The following CDKAL1 variants were observed in gnomAD, a reference collection of about 807,000 sequenced individuals.
CDKAL1 encodes threonylcarbamoyladenosine tRNA methylthiotransferase.
In CDKAL1, 32 loss-of-function variants were observed where a neutral mutation model predicts 68.2. The ratio of observed to expected loss-of-function variants is 0.47; its 90% confidence interval spans 0.35 to 0.63. The LOEUF (loss-of-function observed/expected upper bound fraction) is 0.63. Among genes scored for constraint, CDKAL1 ranks in the 30% least tolerant of loss-of-function variants. The pLI is 0.00. For synonymous variants in CDKAL1, 234 were observed against 244.3 expected (o/e 0.96, Z 0.39); for missense variants, 606 against 696.7 (o/e 0.87, Z 1.47).
chr6:20,939,912 CTT>C (rs1464879612), intron 9 of CDKAL1, among the ~76,000 whole-genome samples: 1 of 152,102 alleles, frequency 6.6e-6, no homozygotes, highest in African/African-American at 2.4e-5. Context: ...TCATTTATAA[CTT>C]ATAAATAATG....
intron 13 of CDKAL1, among the ~76,000 whole-genome samples, chr6:21,161,574 T>C (rs1776927111): frequency 6.6e-6 from 1 of 152,206 alleles, no homozygotes; most frequent in African/African-American, 2.4e-5. Context: ...AGAGAATGTA[T>C]CCACTTAATA....
At chr6:21,055,680 G>A (rs949328787) in intron 11 of CDKAL1, among the ~76,000 whole-genome samples, 1 of 152,160 alleles carries the variant, frequency 6.6e-6, no homozygotes, top group Non-Finnish European at 1.5e-5. Flanking sequence ...CAATATCCAT[G>A]TCCCTGCAAA....
chr6:20,786,607 C>A (rs978196822), intron 8 of CDKAL1, among the ~76,000 whole-genome samples: 1 of 150,162 alleles, frequency 6.7e-6, no homozygotes, highest in East Asian at 2.0e-4. Context: ...AAGCGATTCT[C>A]CTGCCTCAGC....
chr6:21,018,319 A>T (rs1238870403), intron 11 of CDKAL1, among the ~76,000 whole-genome samples: 2 of 152,250 alleles, frequency 1.3e-5, no homozygotes, highest in African/African-American at 4.8e-5. Flanking sequence ...AAATGTATGC[A>T]GTCAGGCTTT....
intron 13 of CDKAL1, among the ~76,000 whole-genome samples, chr6:21,166,822 C>T (rs765950014): frequency 6.6e-6 from 1 of 152,214 alleles, no homozygotes; most frequent in Non-Finnish European, 1.5e-5. Flanking sequence ...TTGTACCCCA[C>T]TCTGACTGTC....
Position 21,232,033 on chromosome 6 carries a change from G to A in CDKAL1, c.*994G>A, listed in dbSNP as rs574073083. ...TGTTTTTTTTTTTTTTTGAGTCAAG[G>A]TCTCACTCTGTCACCCTGGCTGGAG... On this transcript the variant is annotated 3_prime_UTR_variant, in exon 16 of 16. Transcript: ENST00000274695. The A allele has an allele frequency of 4.7e-5, 6 of 128,586 alleles. No homozygotes were observed. The East Asian group carries it at 8.0e-4, about 17-fold the overall frequency. 8.0% of individuals were successfully genotyped at this position (128,586 alleles called of 1,614,324 possible). A position where few individuals can be genotyped will look rare whatever the true frequency, so the allele number is the denominator to read the frequency against.
At position 20,613,249 on chromosome 6, in the gene CDKAL1, C is replaced by CTTTTTTTT. The variant is rs71559677; in HGVS notation, c.287-36008_287-36001dup. ...TATCAGTTCATCACAAAATTTCTTT[C>CTTTTTTTT]TTTTTTTTTTTTTTTTTTTTTTTTT... On this transcript the variant is annotated intron_variant, in intron 4 of 15. Coordinates refer to ENST00000274695, the MANE Select transcript of CDKAL1 (RefSeq NM_017774.3). 6.9e-4 allele frequency among the ~76,000 whole-genome samples: 54 copies of CTTTTTTTT among 77,852 alleles called. 3 individuals are homozygous for CTTTTTTTT. The highest frequency in any genetic ancestry group is 9.3e-4 in the Non-Finnish European group (38 of 40,820). The allele number at this position is 77,852 out of a possible 152,430, so 51.1% of individuals were successfully genotyped here.
At chr6:21,190,586 TG>T (rs367677605) in intron 13 of CDKAL1, among the ~76,000 whole-genome samples, 106 of 152,260 alleles carry the variant, frequency 7.0e-4, no homozygotes, top group African/African-American at 2.3e-3. Flanking sequence ...AAGCTGGTCT[TG>T]AACTCCTGAC....
intron 13 of CDKAL1, among the ~76,000 whole-genome samples, chr6:21,115,631 G>A (rs1019166469): frequency 6.6e-6 from 1 of 152,208 alleles, no homozygotes; most frequent in African/African-American, 2.4e-5. Flanking sequence ...TAGGGATGTT[G>A]TTAAATATCA....
At chr6:20,599,356 T>C (rs931358704) in intron 4 of CDKAL1, 14 of 453,128 alleles carry the variant, frequency 3.1e-5, no homozygotes, top group Non-Finnish European at 4.4e-5. Flanking sequence ...TTTAATTACA[T>C]GTCTCTCTCC....
chr6:20,891,084 A>G (rs12194053), intron 9 of CDKAL1, among the ~76,000 whole-genome samples: 25,571 of 152,114 alleles, frequency 0.17, 3,071 homozygotes, highest in African/African-American at 0.35. Context: ...TAGATGACAG[A>G]GTCAGGCTTT....
chr6:20,600,873 T>C (rs1766066789), intron 4 of CDKAL1, among the ~76,000 whole-genome samples: 1 of 151,662 alleles, frequency 6.6e-6, no homozygotes, highest in Non-Finnish European at 1.5e-5. Context: ...TTAGTGTATT[T>C]AATGTATTAG....
At chr6:20,644,604 C>T (rs1183415630) in intron 4 of CDKAL1, among the ~76,000 whole-genome samples, 7 of 152,054 alleles carry the variant, frequency 4.6e-5, no homozygotes, top group Admixed American at 3.3e-4. Flanking sequence ...GGCGTGAACC[C>T]GGGAGGCAGA....
At chr6:21,134,830 A>C (rs1468379095) in intron 13 of CDKAL1, among the ~76,000 whole-genome samples, 1 of 152,176 alleles carries the variant, frequency 6.6e-6, no homozygotes, top group Non-Finnish European at 1.5e-5. Flanking sequence ...AGAAAGCTGG[A>C]AAAAAATAAT....
At chr6:20,864,433 A>C (rs1384002356) in intron 9 of CDKAL1, among the ~76,000 whole-genome samples, 7 of 152,172 alleles carry the variant, frequency 4.6e-5, no homozygotes, top group Non-Finnish European at 7.4e-5. Context: ...TATTTAACAA[A>C]CATTTGTCAA....
At chr6:20,779,786 T>C (rs551542637) in intron 7 of CDKAL1, among the ~76,000 whole-genome samples, 3 of 152,190 alleles carry the variant, frequency 2.0e-5, no homozygotes, top group African/African-American at 7.2e-5. Context: ...GGTTTCACCA[T>C]GCTGGTTGGG....
chr6:20,950,974 AAAAAAAAAG>A (rs1764497814), intron 9 of CDKAL1, among the ~76,000 whole-genome samples: 1 of 150,872 alleles, frequency 6.6e-6, no homozygotes, highest in Admixed American at 6.6e-5. Flanking sequence ...TCTCAGAAAA[AAAAAAAAAG>A]AAAAGAAAAG....
At chr6:20,958,108 T>A (rs550435927) in intron 10 of CDKAL1, among the ~76,000 whole-genome samples, 1 of 150,988 alleles carries the variant, frequency 6.6e-6, no homozygotes, top group East Asian at 2.0e-4. Flanking sequence ...GCTTCAAGGG[T>A]GAGAATTGTT....
At chr6:20,632,258 G>A (rs1767705508) in intron 4 of CDKAL1, among the ~76,000 whole-genome samples, 2 of 152,180 alleles carry the variant, frequency 1.3e-5, no homozygotes, top group Admixed American at 6.5e-5. Flanking sequence ...ATTATTAGTT[G>A]TTTACCTTCT....
Sources: gnomAD v4.1 joint callset for allele counts (sites outside exome capture counted in the v4.1 genomes callset) on GRCh38, gnomAD v4.1.1 for gene constraint, MANE v1.5 for transcripts, NCBI Gene and HGNC (gene_info 2026-07-23, HGNC 2026-07-21) for gene names.